The following DOCK1 variants were observed in gnomAD, a reference collection of about 807,000 sequenced individuals.
DOCK1 encodes the protein dedicator of cytokinesis 1.
Under a neutral mutation model 262.7 loss-of-function variants are expected in DOCK1, and 138 were observed. The observed-to-expected ratio is 0.53, with a 90% CI of 0.46 to 0.61. The LOEUF is 0.61. DOCK1 is among the 20% of genes least tolerant of loss of function. The pLI, the probability that DOCK1 is intolerant of heterozygous loss-of-function variation, is 0.00. For missense variants in DOCK1, 1,908 were observed against 2,370.7 expected (o/e 0.80, Z 4.05); for synonymous variants, 866 against 867.4 (o/e 1.00, Z 0.03).
chr10:127,387,586 G>A (rs1050720936), intron 38 of DOCK1, among the ~76,000 whole-genome samples: 11 of 152,198 alleles, frequency 7.2e-5, no homozygotes, highest in Non-Finnish European at 2.9e-5. Flanking sequence ...CATTTGCAAT[G>A]ATAGATTTGC....
chr10:127,041,375 G>A (rs903258884), intron 19 of DOCK1, among the ~76,000 whole-genome samples: 1 of 152,218 alleles, frequency 6.6e-6, no homozygotes, highest in Non-Finnish European at 1.5e-5. Flanking sequence ...TGAGATTACA[G>A]ATGTGAGCCA....
intron 1 of DOCK1, among the ~76,000 whole-genome samples, chr10:126,934,218 TTAGTC>T (rs2034390178): frequency 6.6e-6 from 1 of 152,224 alleles, no homozygotes; most frequent in South Asian, 2.1e-4. Context: ...TCTATTGTCT[TTAGTC>T]TAAACAGGAT....
At chr10:127,005,495 T>G (rs2040946848) in intron 10 of DOCK1, among the ~76,000 whole-genome samples, 1 of 152,216 alleles carries the variant, frequency 6.6e-6, no homozygotes, top group Non-Finnish European at 1.5e-5. Context: ...GTTAACAGAG[T>G]TCAGTTCCTT....
intron 27 of DOCK1, among the ~76,000 whole-genome samples, chr10:127,210,613 G>A (rs2057932826): frequency 1.3e-5 from 2 of 152,116 alleles, no homozygotes; most frequent in African/African-American, 4.8e-5. Flanking sequence ...TCCTGCCTCT[G>A]AGCCACTGCC....
At position 127,374,085 on chromosome 10, in the gene DOCK1, A is replaced by G. The variant is rs571164190; in HGVS notation, c.3546A>G (p.Lys1182=). Residue 1182 remains lysine, a synonymous_variant, in exon 35 of 52, where the codon AAA becomes AAG. Transcript: ENST00000623213. ...KILLEHCRKH[K]YLAKTGETFV... is the part of the protein sequence containing the mutation. ...TTCTGGAACACTGCAGGAAGCACAA[A>G]TACCTCGCCAAAACAGGAGAAACTT... is the stretch of plus-strand genomic sequence containing the variant. 6 of 1,613,054 alleles carry G rather than the reference A, an allele frequency of 3.7e-6. No individual in the cohort carries two copies. The Admixed American group carries it at 8.3e-5, about 22-fold the overall frequency.
intron 29 of DOCK1, among the ~76,000 whole-genome samples, chr10:127,332,241 T>C (rs2063017929): frequency 6.6e-6 from 1 of 152,212 alleles, no homozygotes; most frequent in Non-Finnish European, 1.5e-5. Context: ...GGGAATCCTC[T>C]GTATTCTTGT....
chr10:127,443,657 C>T (rs1242517998), intron 49 of DOCK1, among the ~76,000 whole-genome samples: 1 of 152,168 alleles, frequency 6.6e-6, no homozygotes, highest in African/African-American at 2.4e-5. Context: ...GAAGGTCATA[C>T]AGTGGTCAAA....
intron 18 of DOCK1, 96 bp downstream of exon 18, chr10:127,032,416 G>A: frequency 1.5e-6 from 2 of 1,315,730 alleles, no homozygotes; most frequent in South Asian, 1.6e-5. Flanking sequence ...CTCCGTAGGT[G>A]CATGAACGTC....
intron 1 of DOCK1, among the ~76,000 whole-genome samples, chr10:126,923,942 C>T (rs1178070451): frequency 2.0e-5 from 3 of 152,196 alleles, no homozygotes; most frequent in Non-Finnish European, 4.4e-5. Flanking sequence ...AATCCACCTG[C>T]CCCTCAGTCT....
intron 1 of DOCK1, among the ~76,000 whole-genome samples, chr10:126,948,481 G>T (rs2035810725): frequency 2.6e-5 from 4 of 151,896 alleles, no homozygotes; most frequent in Non-Finnish European, 5.9e-5. Context: ...TGTTGCTGGT[G>T]AGGGTGATGA....
chr10:127,207,923 A>G (rs2057796744), intron 27 of DOCK1, among the ~76,000 whole-genome samples: 1 of 152,192 alleles, frequency 6.6e-6, no homozygotes, highest in Non-Finnish European at 1.5e-5. Context: ...GTAGACCCAA[A>G]TTTTAAGAAT....
chr10:127,313,333 C>T (rs780635593), intron 29 of DOCK1, among the ~76,000 whole-genome samples: 8 of 152,106 alleles, frequency 5.3e-5, no homozygotes, highest in Admixed American at 1.3e-4. Context: ...GACAAGCTCA[C>T]GAGTAGGCAT....
At chr10:127,232,557 C>A (rs994562913) in intron 27 of DOCK1, among the ~76,000 whole-genome samples, 1 of 152,076 alleles carries the variant, frequency 6.6e-6, no homozygotes, top group East Asian at 1.9e-4. Context: ...GGTGATATTC[C>A]TACCATATTT....
chr10:127,242,975 G>A (rs1469917575), intron 27 of DOCK1, among the ~76,000 whole-genome samples: 1 of 152,182 alleles, frequency 6.6e-6, no homozygotes, highest in Non-Finnish European at 1.5e-5. Context: ...ACTGCCCAGA[G>A]ATCCTTTGGA....
At chr10:127,049,791 A>G (rs536199635) in intron 21 of DOCK1, among the ~76,000 whole-genome samples, 1 of 152,220 alleles carries the variant, frequency 6.6e-6, no homozygotes, top group Admixed American at 6.5e-5. Context: ...AATATTTTAG[A>G]AGATCAAAAT....
At chr10:126,991,249 T>C (rs981073226) in intron 6 of DOCK1, among the ~76,000 whole-genome samples, 13 of 152,216 alleles carry the variant, frequency 8.5e-5, no homozygotes, top group African/African-American at 2.9e-4. Context: ...GCACGTGTTT[T>C]TTGATGCTGA....
intron 47 of DOCK1, among the ~76,000 whole-genome samples, chr10:127,426,732 C>G (rs1193839948): frequency 6.6e-6 from 1 of 152,122 alleles, no homozygotes; most frequent in East Asian, 1.9e-4. Flanking sequence ...ACCCAACCTC[C>G]AAGAACAAGG....
At chr10:126,958,461 G>A (rs1243280234) in intron 1 of DOCK1, among the ~76,000 whole-genome samples, 1 of 152,180 alleles carries the variant, frequency 6.6e-6, no homozygotes, top group East Asian at 1.9e-4. Context: ...CCAGAGCAGG[G>A]ACTCTGTTTT....
intron 29 of DOCK1, among the ~76,000 whole-genome samples, chr10:127,274,208 G>C (rs961032513): frequency 6.6e-5 from 10 of 152,112 alleles, no homozygotes; most frequent in African/African-American, 2.2e-4. Flanking sequence ...TTGATATTCT[G>C]CTTGGAGCTT....
Sources: gnomAD v4.1 joint callset for allele counts (sites outside exome capture counted in the v4.1 genomes callset) on GRCh38, gnomAD v4.1.1 for gene constraint, MANE v1.5 for transcripts, NCBI Gene and HGNC (gene_info 2026-07-23, HGNC 2026-07-21) for gene names.